PHLDB2: variants seen among roughly 807,000 people sequenced by gnomAD.
PHLDB2 encodes the protein pleckstrin homology like domain family B member 2, also known as pleckstrin homology-like domain family B member 2.
Under a neutral mutation model 123.6 loss-of-function variants are expected in PHLDB2, and 71 were observed. That is an observed-to-expected ratio of 0.57 (90% CI 0.47 to 0.70). The LOEUF (loss-of-function observed/expected upper bound fraction) is 0.70. Among genes scored for constraint, PHLDB2 ranks in the 30% least tolerant of loss-of-function variants. The probability of loss-of-function intolerance (pLI) is 0.00; values close to 1 mark genes in which losing one functional copy is unlikely to be tolerated. For missense variants in PHLDB2, 1,446 were observed against 1,519.5 expected, an observed-to-expected ratio of 0.95 and a Z score of 0.80; for synonymous variants, 547 against 541.6, an observed-to-expected ratio of 1.01 and a Z score of -0.14.
intron 1 of PHLDB2, chr3:111,883,861 A>G: frequency 3.7e-6 from 2 of 534,884 alleles, no homozygotes; most frequent in Non-Finnish European, 6.5e-6. Context: ...TCTCTTTTGT[A>G]CATAAGTTAT....
At chr3:111,916,365 A>G (rs1453006249) in intron 3 of PHLDB2, 3 of 152,196 alleles carry the variant, frequency 2.0e-5, no homozygotes, top group Non-Finnish European at 2.9e-5. Flanking sequence ...AGGTGGACAT[A>G]TATTACCTTG....
chr3:111,952,480 G>A (rs1020270533), intron 10 of PHLDB2, 92 bp from the exon 11 acceptor site: 1 of 1,420,516 alleles, frequency 7.0e-7, no homozygotes, highest in African/African-American at 1.4e-5. Flanking sequence ...TAAAATTCCA[G>A]TTTTTTTTGT....
chr3:111,913,468 T>A lies in PHLDB2; in HGVS notation c.1485T>A (p.Phe495Leu). The A allele has an allele frequency of 3.1e-6, 5 of 1,614,144 alleles. No individual in the cohort carries two copies. The highest frequency in any genetic ancestry group is 4.2e-6 in the Non-Finnish European group (5 of 1,180,030). Reference sequence around the variant, plus strand: ...AGCTCTCTGATGAGGAGTCTGTGTTTGAGGAAGCCCTCATGAGCCCTGACA... The same window carrying A: ...AGCTCTCTGATGAGGAGTCTGTGTTAGAGGAAGCCCTCATGAGCCCTGACA... ...KLQLSDEESV[F>L]EEALMSPDTR... Residue 495 changes from phenylalanine (F) to leucine (L), a missense_variant, in exon 3 of 18, where the codon TTT (phenylalanine) becomes TTA (leucine). Transcript: ENST00000431670.
chr3:111,816,162 A>G (rs2062068016), intron 1 of PHLDB2, among the ~76,000 whole-genome samples: 1 of 152,162 alleles, frequency 6.6e-6, no homozygotes, highest in Non-Finnish European at 1.5e-5. Flanking sequence ...CCTCATGGAG[A>G]ACCTCCACTA....
At chr3:111,916,783 G>C (rs2068205383) in intron 3 of PHLDB2, 1 of 152,090 alleles carries the variant, frequency 6.6e-6, no homozygotes, top group East Asian at 1.9e-4. Flanking sequence ...AGAAATCTGT[G>C]AAAAAGGGGC....
At chr3:111,906,472 C>T (rs536985813) in intron 2 of PHLDB2, among the ~76,000 whole-genome samples, 1 of 152,080 alleles carries the variant, frequency 6.6e-6, no homozygotes, top group South Asian at 2.1e-4. Flanking sequence ...ATGCATTTAG[C>T]CACTATAGTA....
chr3:111,888,011 T>A (rs1273791678), intron 2 of PHLDB2, among the ~76,000 whole-genome samples: 1 of 152,104 alleles, frequency 6.6e-6, no homozygotes, highest in Non-Finnish European at 1.5e-5. Flanking sequence ...TTATTTATGG[T>A]TAATTTAACA....
At chr3:111,861,988 C>T (rs2064854958) in intron 1 of PHLDB2, among the ~76,000 whole-genome samples, 1 of 152,018 alleles carries the variant, frequency 6.6e-6, no homozygotes, top group Admixed American at 6.5e-5. Flanking sequence ...ATTACAGGCG[C>T]CTGCCACCAC....
intron 1 of PHLDB2, among the ~76,000 whole-genome samples, chr3:111,746,542 C>T (rs775132931): frequency 6.6e-6 from 1 of 152,126 alleles, no homozygotes; most frequent in Non-Finnish European, 1.5e-5. Flanking sequence ...TCCAGAGGAT[C>T]GCTTGAAGCC....
intron 1 of PHLDB2, among the ~76,000 whole-genome samples, chr3:111,807,812 A>C (rs4373041): frequency 2.0e-5 from 3 of 151,982 alleles, no homozygotes; most frequent in South Asian, 2.1e-4. Flanking sequence ...AGGAAGAGGA[A>C]TAGGAAGAGG....
chr3:111,868,962 A>T (rs765913960), intron 1 of PHLDB2, among the ~76,000 whole-genome samples: 1 of 152,208 alleles, frequency 6.6e-6, no homozygotes, highest in Non-Finnish European at 1.5e-5. Flanking sequence ...AAAACTTTTT[A>T]AAAAATCCCT....
rs1489094123 is a variant in PHLDB2 at position 111,884,092 on chromosome 3, C to T, written c.15C>T (p.Ser5=). Residue 5 remains serine (S), a synonymous_variant, in exon 2 of 18, where the codon AGC becomes AGT. Transcript: ENST00000431670. MEEH[S]YIQKELDLQN... is the part of the protein sequence containing the mutation. ...CCAGCAAGATTATGGAAGAGCATAG[C>T]TACATACAAAAGGAGCTAGATTTAC... 6.2e-7 allele frequency: 1 copy of T among 1,613,370 alleles called. No individual in the cohort carries two copies. The highest frequency in any genetic ancestry group is 8.5e-7 in the Non-Finnish European group (1 of 1,179,812).
rs569145741 is a variant in PHLDB2 at position 111,951,655 on chromosome 3, G to C, written c.2632-917G>C. Among the ~76,000 whole-genome samples the C allele has an allele frequency of 2.4e-3, 370 of 152,236 alleles. 2 individuals are homozygous for C. The highest frequency in any genetic ancestry group is 8.8e-3 in the African/African-American group (364 of 41,552). On this transcript the variant is annotated intron_variant, in intron 10 of 17. Transcript: ENST00000431670. ...CAATGTTAAGATTTTGTGAAGCTAA[G>C]TGGTGGGAATATGAATATCTCTTAA...
At chr3:111,970,795 G>C (rs563488693) in intron 16 of PHLDB2, among the ~76,000 whole-genome samples, 4 of 152,246 alleles carry the variant, frequency 2.6e-5, no homozygotes, top group African/African-American at 9.6e-5. Flanking sequence ...TGGGGTGACT[G>C]TCAGTATTTA....
intron 5 of PHLDB2, 102 bp downstream of exon 5, chr3:111,920,521 G>A: frequency 7.1e-7 from 1 of 1,400,420 alleles, no homozygotes; most frequent in Non-Finnish European, 9.6e-7. Context: ...TTGGATTTGT[G>A]TGTCATGTTC....
At chr3:111,849,586 C>A (rs1035224823) in intron 2 of PHLDB2, among the ~76,000 whole-genome samples, 8 of 152,188 alleles carry the variant, frequency 5.3e-5, no homozygotes, top group Non-Finnish European at 4.4e-5. Flanking sequence ...CTTTTGTTTT[C>A]CATTTGAACA....
At chr3:111,923,558 C>A (rs1175731556) in intron 5 of PHLDB2, among the ~76,000 whole-genome samples, 2 of 152,116 alleles carry the variant, frequency 1.3e-5, no homozygotes, top group Non-Finnish European at 2.9e-5. Context: ...ACCTGACATC[C>A]CCACTTGGAT....
At chr3:111,879,758 C>T (rs777918722) in intron 1 of PHLDB2, among the ~76,000 whole-genome samples, 13 of 152,264 alleles carry the variant, frequency 8.5e-5, no homozygotes, top group South Asian at 2.1e-4. Context: ...GAAGGGTCCA[C>T]GTTGTAAAAG....
chr3:111,916,745 T>G (rs2068203638), intron 3 of PHLDB2: 1 of 152,086 alleles, frequency 6.6e-6, no homozygotes, highest in South Asian at 2.1e-4. Flanking sequence ...CACCCCTCTC[T>G]CCTTTGGCTG....
Sources: gnomAD v4.1 joint callset for allele counts (sites outside exome capture counted in the v4.1 genomes callset) on GRCh38, gnomAD v4.1.1 for gene constraint, MANE v1.5 for transcripts, NCBI Gene and HGNC (gene_info 2026-07-23, HGNC 2026-07-21) for gene names.